GRM1: variants seen among roughly 807,000 people sequenced by gnomAD.
GRM1 encodes the protein glutamate metabotropic receptor 1, also known as metabotropic glutamate receptor 1.
In GRM1, 33 loss-of-function variants were observed where a neutral mutation model predicts 90.9. The observed-to-expected ratio is 0.36, with a 90% CI of 0.28 to 0.49. GRM1 has a LOEUF of 0.49. Among genes scored for constraint, GRM1 ranks in the 20% least tolerant of loss-of-function variants. The pLI, the probability that GRM1 is intolerant of heterozygous loss-of-function variation, is 0.99. For missense variants in GRM1, 1,190 were observed against 1,534.3 expected (o/e 0.78, Z 3.75); for synonymous variants, 700 against 613.2 (o/e 1.14, Z -2.09).
chr6:146,349,321 T>C (rs1252544611), intron 3 of GRM1, among the ~76,000 whole-genome samples: 1 of 151,668 alleles, frequency 6.6e-6, no homozygotes, highest in Non-Finnish European at 1.5e-5. Context: ...GACCTCATGA[T>C]CCGTCCGCCT....
At chr6:146,264,425 G>A (rs1209504843) in intron 2 of GRM1, among the ~76,000 whole-genome samples, 1 of 151,826 alleles carries the variant, frequency 6.6e-6, no homozygotes, top group Non-Finnish European at 1.5e-5. Context: ...CAGTATAATA[G>A]TAAGAAGATA....
chr6:146,314,133 C>T lies in GRM1; in HGVS notation c.1186+9287C>T, dbSNP rs903472091. On this transcript the variant is annotated intron_variant, in intron 3 of 7. Transcript: ENST00000282753. ...CCAGGCTGGAATGCAATAGCTGGAT[C>T]TTGGCTCATTGCGACCTCTGCCTCC... is the stretch of plus-strand genomic sequence containing the variant. 2.5e-5 allele frequency among the ~76,000 whole-genome samples: 3 copies of T among 117,968 alleles called. No homozygotes were observed. In the Admixed American group the frequency reaches 3.7e-4, roughly 14 times the overall value. The allele number at this position is 117,968 out of a possible 152,430, so 77.4% of individuals were successfully genotyped here. A position where few individuals can be genotyped will look rare whatever the true frequency, so the allele number is the denominator to read the frequency against.
chr6:146,160,082 G>A (rs117965885), intron 2 of GRM1, among the ~76,000 whole-genome samples: 1,857 of 151,882 alleles, frequency 0.012, 77 homozygotes, highest in East Asian at 0.091. Context: ...CACCCAAGCC[G>A]ATGCTTATGT....
At chr6:146,375,617 A>C (rs1007193710) in intron 5 of GRM1, among the ~76,000 whole-genome samples, 6 of 151,898 alleles carry the variant, frequency 4.0e-5, no homozygotes, top group African/African-American at 1.2e-4. Context: ...TATATTCTCC[A>C]GTTGAATTGA....
intron 3 of GRM1, among the ~76,000 whole-genome samples, chr6:146,345,451 C>T (rs1785150060): frequency 1.3e-5 from 2 of 152,134 alleles, no homozygotes; most frequent in African/African-American, 4.8e-5. Flanking sequence ...GAAGATGTTA[C>T]ATTAGACCCT....
intron 1 of GRM1, among the ~76,000 whole-genome samples, chr6:146,131,902 G>A (rs1776412693): frequency 6.6e-6 from 1 of 152,148 alleles, no homozygotes; most frequent in Admixed American, 6.5e-5. Flanking sequence ...ACTTTATATA[G>A]GATGGCCAAG....
intron 3 of GRM1, among the ~76,000 whole-genome samples, chr6:146,323,773 G>A (rs1008062674): frequency 6.6e-6 from 1 of 152,142 alleles, no homozygotes; most frequent in Non-Finnish European, 1.5e-5. Context: ...TTTGTATAAA[G>A]TGTAAGGAAG....
intron 1 of GRM1, among the ~76,000 whole-genome samples, chr6:146,059,856 A>G (rs2128853150): frequency 6.6e-6 from 1 of 152,290 alleles, no homozygotes; most frequent in South Asian, 2.1e-4. Flanking sequence ...ACTTTTCTGC[A>G]GAATCTTTCT....
chr6:146,029,464 G>A lies in GRM1; in HGVS notation c.-54G>A. ...TGGGGGTGCGCGCCGGGAGCCTGCAGCGGGACCAGCGTGGGAACGCGGCTG... is the reference window on the plus strand; with the variant it reads ...TGGGGGTGCGCGCCGGGAGCCTGCAACGGGACCAGCGTGGGAACGCGGCTG... On this transcript the variant is annotated 5_prime_UTR_variant, in exon 1 of 8. Transcript: ENST00000282753. 1 of 1,415,394 alleles carries A rather than the reference G, an allele frequency of 7.1e-7. No homozygotes were observed. The highest frequency in any genetic ancestry group is 1.0e-6 in the Non-Finnish European group (1 of 999,402). The allele number at this position is 1,415,394 out of a possible 1,614,324, so 87.7% of individuals were successfully genotyped here.
chr6:146,215,819 C>T (rs189343836), intron 2 of GRM1, among the ~76,000 whole-genome samples: 3 of 150,756 alleles, frequency 2.0e-5, no homozygotes, highest in Admixed American at 1.3e-4. Context: ...TGCAGTGGCT[C>T]GATCTCAGCT....
chr6:146,407,826 T>C (rs1005045342), intron 7 of GRM1, among the ~76,000 whole-genome samples: 3 of 152,186 alleles, frequency 2.0e-5, no homozygotes, highest in Non-Finnish European at 2.9e-5. Context: ...TAAATTCAAT[T>C]AATAAGAGAT....
intron 1 of GRM1, among the ~76,000 whole-genome samples, chr6:146,093,709 T>A (rs1037320067): frequency 2.0e-4 from 30 of 152,088 alleles, no homozygotes; most frequent in Non-Finnish European, 3.7e-4. Context: ...TTTCTCCAGC[T>A]CCTTTTCTCA....
chr6:146,250,363 G>A (rs1241844629), intron 2 of GRM1, among the ~76,000 whole-genome samples: 1 of 152,154 alleles, frequency 6.6e-6, no homozygotes, highest in African/African-American at 2.4e-5. Flanking sequence ...GGAACCTAGT[G>A]GGAGGTGACC....
rs889640375 is a variant in GRM1 at position 146,121,904 on chromosome 6, T to C, written c.701-37444T>C. ...AATGTGGTGCTGAGAAGAATGTATA[T>C]TCTGTTGATTTGGGGTGAAGAGTTC... On this transcript the variant is annotated intron_variant, in intron 1 of 7. Coordinates refer to ENST00000282753, the MANE Select transcript of GRM1 (RefSeq NM_001278064.2). Among the ~76,000 whole-genome samples, 6 of 152,224 alleles carry C rather than the reference T, an allele frequency of 3.9e-5. 1 individual carries two copies. The highest frequency in any genetic ancestry group is 3.9e-4 in the Admixed American group (6 of 15,272).
chr6:146,330,398 A>T (rs1784547561), intron 3 of GRM1, among the ~76,000 whole-genome samples: 1 of 152,180 alleles, frequency 6.6e-6, no homozygotes, highest in Non-Finnish European at 1.5e-5. Context: ...ATGGAAACCT[A>T]CTGGGAATTT....
At chr6:146,038,547 C>G (rs1383334242) in intron 1 of GRM1, among the ~76,000 whole-genome samples, 1 of 151,940 alleles carries the variant, frequency 6.6e-6, no homozygotes, top group East Asian at 1.9e-4. Context: ...TTAGATGAGC[C>G]TGTGTGAAGT....
At chr6:146,111,623 A>C (rs1321870453) in intron 1 of GRM1, among the ~76,000 whole-genome samples, 8 of 152,218 alleles carry the variant, frequency 5.3e-5, no homozygotes, top group Non-Finnish European at 1.0e-4. Context: ...AGATGTGATG[A>C]GGAGTTGTTC....
chr6:146,266,959 A>G (rs373366687), intron 2 of GRM1, among the ~76,000 whole-genome samples: 1 of 152,180 alleles, frequency 6.6e-6, no homozygotes, highest in African/African-American at 2.4e-5. Context: ...AACACGTGCC[A>G]CAGTAGTTTG....
chr6:146,143,727 T>C (rs1776984847), intron 1 of GRM1, among the ~76,000 whole-genome samples: 1 of 152,174 alleles, frequency 6.6e-6, no homozygotes, highest in African/African-American at 2.4e-5. Context: ...TTGAAAAAAA[T>C]CTGCTAAGCA....
Sources: allele counts gnomAD v4.1 joint callset (sites outside exome capture counted in the v4.1 genomes callset), GRCh38; gene constraint gnomAD v4.1.1; transcripts MANE v1.5; gene names NCBI Gene and HGNC (gene_info 2026-07-23, HGNC 2026-07-21).